CEBPD: variants seen among roughly 807,000 people sequenced by gnomAD.
CEBPD encodes CCAAT enhancer binding protein delta.
For missense variants in CEBPD, 410 were observed against 409.4 expected (o/e 1.00, Z -0.01); for synonymous variants, 227 against 194.8 (o/e 1.17, Z -1.38).
chr8:47,737,512 G>C lies in CEBPD; in HGVS notation c.609C>G (p.Ile203Met). The C allele has an allele frequency of 1.2e-6, 2 of 1,605,786 alleles. No individual in the cohort carries two copies. The highest frequency in any genetic ancestry group is 1.7e-6 in the Non-Finnish European group (2 of 1,178,106). Residue 203 changes from isoleucine to methionine, a missense_variant, in exon 1 of 1, where the codon ATC becomes ATG. Ile to Met is a conservative substitution (Grantham distance 10). Coordinates refer to ENST00000408965, the MANE Select transcript of CEBPD (RefSeq NM_005195.4). The part of the protein sequence containing the change: ...EYRQRRERNN[I>M]AVRKSRDKAK... ...CCTTGTCGCGGCTCTTGCGCACGGC[G>C]ATGTTGTTGCGCTCGCGCCGCTGCC...
chr8:47,737,387 G>C lies in CEBPD; in HGVS notation c.734C>G (p.Ala245Gly). Reference protein sequence around the residue: ...QRVEQLTRDLAGLRQFFKQLP... With the variant: ...QRVEQLTRDLGGLRQFFKQLP... Reference sequence around the variant, plus strand: ...CTGCTTGAAGAACTGCCGGAGGCCGGCCAGGTCCCGCGTGAGCTGCTCCAC... The same window carrying C: ...CTGCTTGAAGAACTGCCGGAGGCCGCCCAGGTCCCGCGTGAGCTGCTCCAC... Residue 245 changes from alanine to glycine, a missense_variant, in exon 1 of 1, where the codon GCC (alanine) becomes GGC (glycine). By Grantham distance (60) the Ala-to-Gly change is moderately conservative. Transcript: ENST00000408965. The C allele has an allele frequency of 6.2e-7, 1 of 1,600,388 alleles. No individual in the cohort carries two copies. Among genetic ancestry groups the C allele is most frequent in the Non-Finnish European group, 8.5e-7 (1 of 1,175,618 alleles).
Position 47,737,028 on chromosome 8 carries a change from G to GT in CEBPD, c.*282dup, listed in dbSNP as rs948727119. The GT allele has an allele frequency of 2.3e-4, 88 of 387,624 alleles. No individual in the cohort carries two copies. The highest frequency in any genetic ancestry group is 8.1e-4 in the African/African-American group (39 of 48,188). 24.0% of individuals were successfully genotyped at this position (387,624 alleles called of 1,614,324 possible). ...ACAAAGGGTTTGTCTGAAAAGTCTG[G>GT]TTTTTTTTCTTTTTACAAATGTACC... is the stretch of plus-strand genomic sequence containing the variant. On this transcript the variant is annotated 3_prime_UTR_variant, in exon 1 of 1. Coordinates refer to ENST00000408965, the MANE Select transcript of CEBPD (RefSeq NM_005195.4).
chr8:47,737,467 C>T lies in CEBPD; in HGVS notation c.654G>A (p.Glu218=), dbSNP rs1191684134. ...SRDKAKRRNQ[E]MQQKLVELSA... is the part of the protein sequence containing the mutation. Reference sequence around the variant, plus strand: ...ACAGCTCCACCAACTTCTGCTGCATCTCCTGGTTGCGCCGCTTGGCCTTGT... The same window carrying T: ...ACAGCTCCACCAACTTCTGCTGCATTTCCTGGTTGCGCCGCTTGGCCTTGT... The change falls in exon 1 of 1, where the codon GAG becomes GAA. Residue 218 remains glutamate, a synonymous_variant. Transcript: ENST00000408965. The T allele has an allele frequency of 2.5e-6, 4 of 1,608,526 alleles. No homozygotes were observed. Among genetic ancestry groups the T allele is most frequent in the Admixed American group, 1.7e-5 (1 of 59,862 alleles).
Position 47,738,055 on chromosome 8 carries a change from C to T in CEBPD, c.66G>A (p.Ala22=), listed in dbSNP as rs1384776443. ...CCGCCCGGCCCGGTTCGTAGAAGGG[C>T]GCAGGCTCCGCAGGCCAGGGCGCGC... is the stretch of plus-strand genomic sequence containing the variant. ...ARGAPWPAEP[A]PFYEPGRAGK... is the part of the protein sequence containing the mutation. The change falls in exon 1 of 1, where the codon GCG becomes GCA. Residue 22 remains alanine (A), a synonymous_variant. Coordinates refer to ENST00000408965, the MANE Select transcript of CEBPD (RefSeq NM_005195.4). This position sits in a 1 kb window ranked among gnomAD's most constrained non-coding sequence, Gnocchi z 4.1. 8.0e-7 allele frequency: 1 copy of T among 1,242,388 alleles called. No homozygotes were observed. The highest frequency in any genetic ancestry group is 1.0e-6 in the Non-Finnish European group (1 of 994,212). 77.0% of individuals were successfully genotyped at this position (1,242,388 alleles called of 1,614,324 possible).
Position 47,737,691 on chromosome 8 carries a change from G to A in CEBPD, c.430C>T (p.Gln144Ter). 2 of 1,217,504 alleles carry A rather than the reference G, an allele frequency of 1.6e-6. No homozygotes were observed. The highest frequency in any genetic ancestry group is 2.0e-6 in the Non-Finnish European group (2 of 981,080). 75.4% of individuals were successfully genotyped at this position (1,217,504 alleles called of 1,614,324 possible). A position where few individuals can be genotyped will look rare whatever the true frequency, so the allele number is the denominator to read the frequency against. The change falls in exon 1 of 1, where the codon CAG (glutamine) becomes TAG (stop). Residue 144 changes from glutamine (Q) to a stop codon, truncating the protein, a stop_gained. Coordinates refer to ENST00000408965, the MANE Select transcript of CEBPD (RefSeq NM_005195.4). LOFTEE classifies it low-confidence loss of function (END_TRUNC). ...GCGGCCGCCAAGCTCACCACGGTCT[G>A]TGCGCACGCGGCCACCTGCGCGGGC... Reference protein sequence around the residue: ...LLPAQVAACAQTVVSLAAAGQ... With the variant: ...LLPAQVAACA
At position 47,737,057 on chromosome 8, in the gene CEBPD, G is replaced by A. The variant is rs2086262804; in HGVS notation, c.*254C>T. The A allele has an allele frequency of 4.6e-6, 2 of 436,162 alleles. No homozygotes were observed. The highest frequency in any genetic ancestry group is 2.1e-5 in the African/African-American group (1 of 48,578). The allele number at this position is 436,162 out of a possible 1,614,324, so 27.0% of individuals were successfully genotyped here. Reference sequence around the variant, plus strand: ...TTTTTCTTTTTACAAATGTACCTTAGCTGCATCAACAGGAGTAAGATGTAG... The same window carrying A: ...TTTTTCTTTTTACAAATGTACCTTAACTGCATCAACAGGAGTAAGATGTAG... On this transcript the variant is annotated 3_prime_UTR_variant, in exon 1 of 1. Coordinates refer to ENST00000408965, the MANE Select transcript of CEBPD (RefSeq NM_005195.4).
At position 47,737,617 on chromosome 8, in the gene CEBPD, G is replaced by C. The variant is rs1433085790; in HGVS notation, c.504C>G (p.Pro168=). The change falls in exon 1 of 1, where the codon CCC becomes CCG. Residue 168 remains proline, a synonymous_variant. Coordinates refer to ENST00000408965, the MANE Select transcript of CEBPD (RefSeq NM_005195.4). Reference sequence around the variant, plus strand: ...CGGGGCCGGGCGCGGGGGTCTGCCTGGGGCTGCTGCGCGGCGGCTCCGGCG... The same window carrying C: ...CGGGGCCGGGCGCGGGGGTCTGCCTCGGGCTGCTGCGCGGCGGCTCCGGCG... ...PTSPEPPRSS[P]RQTPAPGPAR... 1 of 1,311,294 alleles carries C rather than the reference G, an allele frequency of 7.6e-7. No individual in the cohort carries two copies. The highest frequency in any genetic ancestry group is 2.5e-5 in the South Asian group (1 of 40,182). 81.2% of individuals were successfully genotyped at this position (1,311,294 alleles called of 1,614,324 possible).
rs1373002475 is a variant in CEBPD at position 47,737,939 on chromosome 8, A to T, written c.182T>A (p.Phe61Tyr). 1 of 1,504,194 alleles carries T rather than the reference A, an allele frequency of 6.6e-7. No individual in the cohort carries two copies. Among genetic ancestry groups the T allele is most frequent in the Non-Finnish European group, 8.9e-7 (1 of 1,121,538 alleles). 93.2% of individuals were successfully genotyped at this position (1,504,194 alleles called of 1,614,324 possible). A position where few individuals can be genotyped will look rare whatever the true frequency, so the allele number is the denominator to read the frequency against. Residue 61 changes from phenylalanine (F) to tyrosine (Y), a missense_variant, in exon 1 of 1, where the codon TTC (phenylalanine) becomes TAC (tyrosine). Coordinates refer to ENST00000408965, the MANE Select transcript of CEBPD (RefSeq NM_005195.4). ...AMYDDESAID[F>Y]SAYIDSMAAV... ...GGCCATGGAGTCGATGTAGGCGCTG[A>T]AGTCGATGGCGCTCTCGTCGTCGTA...
rs760736831 is a variant in CEBPD, at chr8:47,737,791, G to A, written c.330C>T (p.Gly110=). The change falls in exon 1 of 1, where the codon GGC becomes GGT. Residue 110 remains glycine (G), a synonymous_variant. Transcript: ENST00000408965. Reference sequence around the variant, plus strand: ...GCAGGCGGGGAGCGGCAGGGCCCGGGCCCAAGGGGCGCGCGGGGCCGCCGG... The same window carrying A: ...GCAGGCGGGGAGCGGCAGGGCCCGGACCCAAGGGGCGCGCGGGGCCGCCGG... ...LLPGGPARPL[G]PGPAAPRLLK... is the part of the protein sequence containing the mutation. 124 of 1,333,212 alleles carry A rather than the reference G, an allele frequency of 9.3e-5. No homozygotes were observed. The highest frequency in any genetic ancestry group is 1.2e-4 in the Non-Finnish European group (122 of 1,045,078). 82.6% of individuals were successfully genotyped at this position (1,333,212 alleles called of 1,614,324 possible).
chr8:47,738,008 T>G lies in CEBPD; in HGVS notation c.113A>C (p.Glu38Ala). 1 of 1,367,782 alleles carries G rather than the reference T, an allele frequency of 7.3e-7. No homozygotes were observed. Among genetic ancestry groups the G allele is most frequent in the Non-Finnish European group, 9.5e-7 (1 of 1,056,452 alleles). The allele number at this position is 1,367,782 out of a possible 1,614,324, so 84.7% of individuals were successfully genotyped here. A position where few individuals can be genotyped will look rare whatever the true frequency, so the allele number is the denominator to read the frequency against. The part of the protein sequence containing the change: ...GRAGKPGRGA[E>A]PGALGEPGAA... Reference sequence around the variant, plus strand: ...GCCTGGCTCGCCTAGGGCCCCTGGCTCGGCCCCGCGGCCCGGCTTGCCCGC... The same window carrying G: ...GCCTGGCTCGCCTAGGGCCCCTGGCGCGGCCCCGCGGCCCGGCTTGCCCGC... The change falls in exon 1 of 1, where the codon GAG becomes GCG. Residue 38 changes from glutamate to alanine, a missense_variant. By Grantham distance (107) the Glu-to-Ala change is moderately radical. Coordinates refer to ENST00000408965, the MANE Select transcript of CEBPD (RefSeq NM_005195.4). The surrounding 1 kb of genome is among the most constrained non-coding windows in gnomAD (Gnocchi z 4.1).
In CEBPD at chr8:47,737,873, G is replaced by A; in HGVS notation, c.248C>T (p.Ala83Val). 1 of 1,514,000 alleles carries A rather than the reference G, an allele frequency of 6.6e-7. No individual in the cohort carries two copies. The allele number at this position is 1,514,000 out of a possible 1,614,324, so 93.8% of individuals were successfully genotyped here. Residue 83 changes from alanine to valine, a missense_variant, in exon 1 of 1, where the codon GCC (alanine) becomes GTC (valine). Ala to Val is a moderately conservative substitution (Grantham distance 64). Transcript: ENST00000408965. ...CTTGTGATTGCTGTTGAAGAGGTCG[G>A]CGAAGAGCTCGTCGTGGCACAGCTC... The part of the protein sequence containing the change: ...TLELCHDELF[A>V]DLFNSNHKAG...
rs1044770922 is a variant in CEBPD at position 47,738,131 on chromosome 8, G to A, written c.-11C>T. ...GAGCGCGGCGCTCATGGCGGCGTCGGGCCGGGCTCTGCGTCCAAGCGAGGC... is the reference window on the plus strand; with the variant it reads ...GAGCGCGGCGCTCATGGCGGCGTCGAGCCGGGCTCTGCGTCCAAGCGAGGC... On this transcript the variant is annotated 5_prime_UTR_variant, in exon 1 of 1. Coordinates refer to ENST00000408965, the MANE Select transcript of CEBPD (RefSeq NM_005195.4). This position sits in a 1 kb window ranked among gnomAD's most constrained non-coding sequence, Gnocchi z 4.1. 7 of 1,170,974 alleles carry A rather than the reference G, an allele frequency of 6.0e-6. No individual in the cohort carries two copies. The highest frequency in any genetic ancestry group is 6.3e-6 in the Non-Finnish European group (6 of 949,320). 72.5% of individuals were successfully genotyped at this position (1,170,974 alleles called of 1,614,324 possible). A position where few individuals can be genotyped will look rare whatever the true frequency, so the allele number is the denominator to read the frequency against.
Position 47,737,579 on chromosome 8 carries a change from C to G in CEBPD, c.542G>C (p.Ser181Thr), listed in dbSNP as rs780541037. Residue 181 changes from serine (S) to threonine (T), a missense_variant, in exon 1 of 1, where the codon AGC (serine) becomes ACC (threonine). Ser to Thr is a moderately conservative substitution (Grantham distance 58). Coordinates refer to ENST00000408965, the MANE Select transcript of CEBPD (RefSeq NM_005195.4). Reference protein sequence around the residue: ...TPAPGPAREKSAGKRGPDRGS... With the variant: ...TPAPGPAREKTAGKRGPDRGS... ...GCGGTCCGGGCCCCTCTTGCCGGCG[C>G]TCTTCTCCCGGGCGGGGCCGGGCGC... The G allele has an allele frequency of 3.3e-6, 5 of 1,530,860 alleles. No individual in the cohort carries two copies. The highest frequency in any genetic ancestry group is 3.5e-6 in the Non-Finnish European group (4 of 1,143,924). The allele number at this position is 1,530,860 out of a possible 1,614,324, so 94.8% of individuals were successfully genotyped here.
At position 47,738,089 on chromosome 8, in the gene CEBPD, G is replaced by C. The variant is rs1277789151; in HGVS notation, c.32C>G (p.Pro11Arg). Residue 11 changes from proline to arginine, a missense_variant, in exon 1 of 1, where the codon CCG (proline) becomes CGG (arginine). Coordinates refer to ENST00000408965, the MANE Select transcript of CEBPD (RefSeq NM_005195.4). The surrounding 1 kb of genome is among the most constrained non-coding windows in gnomAD (Gnocchi z 4.1). ...CGCAGGCCAGGGCGCGCCGCGCGCC[G>C]GGCCGTCCAGGCTGAAGAGCGCGGC... MSAALFSLDG[P>R]ARGAPWPAEP... The C allele has an allele frequency of 5.9e-6, 7 of 1,189,104 alleles. No individual in the cohort carries two copies. The highest frequency in any genetic ancestry group is 3.4e-4 in the Middle Eastern group (1 of 2,984). The allele number at this position is 1,189,104 out of a possible 1,614,324, so 73.7% of individuals were successfully genotyped here. A position where few individuals can be genotyped will look rare whatever the true frequency, so the allele number is the denominator to read the frequency against.
rs781551832 is a variant in CEBPD at position 47,737,602 on chromosome 8, C to A, written c.519G>T (p.Ala173=). 1 of 1,457,180 alleles carries A rather than the reference C, an allele frequency of 6.9e-7. No individual in the cohort carries two copies. The highest frequency in any genetic ancestry group is 9.0e-7 in the Non-Finnish European group (1 of 1,110,412). 90.3% of individuals were successfully genotyped at this position (1,457,180 alleles called of 1,614,324 possible). A position where few individuals can be genotyped will look rare whatever the true frequency, so the allele number is the denominator to read the frequency against. The change falls in exon 1 of 1, where the codon GCG becomes GCT. Residue 173 remains alanine, a synonymous_variant. Coordinates refer to ENST00000408965, the MANE Select transcript of CEBPD (RefSeq NM_005195.4). ...CGCTCTTCTCCCGGGCGGGGCCGGG[C>A]GCGGGGGTCTGCCTGGGGCTGCTGC... is the stretch of plus-strand genomic sequence containing the variant. The part of the protein sequence containing the change: ...PPRSSPRQTP[A]PGPAREKSAG...
In CEBPD at chr8:47,737,185, T is replaced by C; in HGVS notation, c.*126A>G. On this transcript the variant is annotated 3_prime_UTR_variant, in exon 1 of 1. Transcript: ENST00000408965. ...CCAGGCTGTAGCTTCTTTGCGCTCC[T>C]ATGTCCCAAGAAACTGCAGCGGGCA... 1.3e-6 allele frequency: 1 copy of C among 784,276 alleles called. No individual in the cohort carries two copies. Among genetic ancestry groups the C allele is most frequent in the East Asian group, 3.1e-5 (1 of 32,530 alleles). The allele number at this position is 784,276 out of a possible 1,614,324, so 48.6% of individuals were successfully genotyped here. A position where few individuals can be genotyped will look rare whatever the true frequency, so the allele number is the denominator to read the frequency against.
In CEBPD at chr8:47,737,906, G is replaced by C. The variant is rs766647478; in HGVS notation, c.215C>G (p.Pro72Arg). 1 of 1,510,082 alleles carries C rather than the reference G, an allele frequency of 6.6e-7. No homozygotes were observed. Among genetic ancestry groups the C allele is most frequent in the South Asian group, 1.2e-5 (1 of 81,004 alleles). 93.5% of individuals were successfully genotyped at this position (1,510,082 alleles called of 1,614,324 possible). Residue 72 changes from proline (P) to arginine (R), a missense_variant, in exon 1 of 1, where the codon CCC (proline) becomes CGC (arginine). Transcript: ENST00000408965. ...SAYIDSMAAVPTLELCHDELF... is the reference protein window; with the variant it reads ...SAYIDSMAAVRTLELCHDELF... Reference sequence around the variant, plus strand: ...CTCGTCGTGGCACAGCTCCAGGGTGGGCACGGCGGCCATGGAGTCGATGTA... The same window carrying C: ...CTCGTCGTGGCACAGCTCCAGGGTGCGCACGGCGGCCATGGAGTCGATGTA...
In CEBPD at chr8:47,737,728, G is replaced by C. The variant is rs1280531061; in HGVS notation, c.393C>G (p.Pro131=). ...REPDWGDGDA[P]GSLLPAQVAA... ...CCACCTGCGCGGGCAACAGCGAGCC[G>C]GGCGCGTCGCCGTCGCCCCAGTCGG... is the stretch of plus-strand genomic sequence containing the variant. The change falls in exon 1 of 1, where the codon CCC becomes CCG. Residue 131 remains proline, a synonymous_variant. Transcript: ENST00000408965. 5.8e-6 allele frequency: 7 copies of C among 1,213,414 alleles called. No homozygotes were observed. Among genetic ancestry groups the C allele is most frequent in the Non-Finnish European group, 7.2e-6 (7 of 978,036 alleles). The allele number at this position is 1,213,414 out of a possible 1,614,324, so 75.2% of individuals were successfully genotyped here.
In CEBPD at chr8:47,737,221, C is replaced by G. The variant is rs1254008613; in HGVS notation, c.*90G>C. The G allele has an allele frequency of 7.1e-6, 9 of 1,270,270 alleles. No homozygotes were observed. Among genetic ancestry groups the G allele is most frequent in the Non-Finnish European group, 9.5e-6 (9 of 949,002 alleles). 78.7% of individuals were successfully genotyped at this position (1,270,270 alleles called of 1,614,324 possible). On this transcript the variant is annotated 3_prime_UTR_variant, in exon 1 of 1. Coordinates refer to ENST00000408965, the MANE Select transcript of CEBPD (RefSeq NM_005195.4). Reference sequence around the variant, plus strand: ...AAACTGCAGCGGGCACCCGGCGGCTCTGGCTGCGCCAGGGCAGGGCGCGCT... The same window carrying G: ...AAACTGCAGCGGGCACCCGGCGGCTGTGGCTGCGCCAGGGCAGGGCGCGCT...
Sources: allele counts gnomAD v4.1 joint callset, GRCh38; gene constraint gnomAD v4.1.1; non-coding constraint Gnocchi (gnomAD v3.1); transcripts MANE v1.5; gene names NCBI Gene and HGNC (gene_info 2026-07-23, HGNC 2026-07-21).